The following OTUD7A variants were observed in gnomAD, a reference collection of about 807,000 sequenced individuals.
OTUD7A encodes the protein OTU domain-containing protein 7A.
A neutral mutation model predicts 65.7 loss-of-function variants in OTUD7A; 12 were observed. The ratio of observed to expected loss-of-function variants is 0.18; its 90% CI spans 0.12 to 0.30. The LOEUF is 0.30. OTUD7A is among the 10% of genes least tolerant of loss of function. The probability of loss-of-function intolerance (pLI) is 1.00; values close to 1 mark genes in which losing one functional copy is unlikely to be tolerated. For synonymous variants in OTUD7A, 641 were observed against 586.3 expected, an observed-to-expected ratio of 1.09 and a Z score of -1.35; for missense variants, 1,148 against 1,304.8, an observed-to-expected ratio of 0.88 and a Z score of 1.85.
chr15:31,791,330 A>C (rs1035797140), intron 1 of OTUD7A, among the ~76,000 whole-genome samples: 1 of 152,138 alleles, frequency 6.6e-6, no homozygotes, highest in Non-Finnish European at 1.5e-5. Context: ...CAGCCCTACT[A>C]ATAGTCATCT....
chr15:31,726,790 A>G (rs1449845454), intron 1 of OTUD7A, among the ~76,000 whole-genome samples: 1 of 152,226 alleles, frequency 6.6e-6, no homozygotes, highest in Non-Finnish European at 1.5e-5. Flanking sequence ...TGACGATGGC[A>G]TTGCCACGGT....
chr15:31,766,649 T>C, intron 1 of OTUD7A: 1 of 1,601,928 alleles, frequency 6.2e-7, no homozygotes, highest in Non-Finnish European at 8.6e-7. Context: ...AAAAGCAAAC[T>C]CTGAGACCTT....
At chr15:31,808,703 C>T (rs1286953058) in intron 1 of OTUD7A, among the ~76,000 whole-genome samples, 1 of 152,234 alleles carries the variant, frequency 6.6e-6, no homozygotes, top group Non-Finnish European at 1.5e-5. Context: ...CAGGCTCCAT[C>T]CACAGCAGCA....
chr15:31,624,913 C>T (rs976317597), intron 3 of OTUD7A, among the ~76,000 whole-genome samples: 3 of 152,176 alleles, frequency 2.0e-5, no homozygotes, highest in African/African-American at 7.2e-5. Context: ...AGATAGCCCC[C>T]AAGGATCCCT....
rs145596516 is a variant in OTUD7A at position 31,694,165 on chromosome 15, C to T, written c.-99-37088G>A. On this transcript the variant is annotated intron_variant, in intron 1 of 12. Transcript: ENST00000307050. ...GTGGCGCTCAGAAGCCAGGACACTGCCCTCACAGAGCCAGTGGAGGGGGCC... is the reference window on the plus strand; with the variant it reads ...GTGGCGCTCAGAAGCCAGGACACTGTCCTCACAGAGCCAGTGGAGGGGGCC... Among the ~76,000 whole-genome samples the T allele has an allele frequency of 6.2e-3, 948 of 152,206 alleles. 8 individuals carry two copies. Among genetic ancestry groups the T allele is most frequent in the African/African-American group, 0.02 (837 of 41,528 alleles).
At chr15:31,764,968 C>G (rs569955473) in intron 1 of OTUD7A, among the ~76,000 whole-genome samples, 2 of 152,064 alleles carry the variant, frequency 1.3e-5, no homozygotes, top group East Asian at 3.9e-4. Flanking sequence ...AAAATAAATA[C>G]CTTATGGAAG....
chr15:31,783,889 T>C (rs1895605250), intron 1 of OTUD7A, among the ~76,000 whole-genome samples: 1 of 152,198 alleles, frequency 6.6e-6, no homozygotes, highest in Admixed American at 6.5e-5. Context: ...AGAATCCCAA[T>C]AGTATTTTAT....
chr15:31,618,654 C>T (rs1040889431), intron 3 of OTUD7A, among the ~76,000 whole-genome samples: 5 of 152,026 alleles, frequency 3.3e-5, no homozygotes, highest in Non-Finnish European at 7.4e-5. Context: ...TGTTCGAGTT[C>T]TTTGTAGATT....
intron 1 of OTUD7A, among the ~76,000 whole-genome samples, chr15:31,681,801 T>C (rs4041923): frequency 0.31 from 44,019 of 139,854 alleles, 9,652 homozygotes; most frequent in African/African-American, 0.62. Context: ...TGCTCCATTC[T>C]TACACTCAGC....
chr15:31,752,811 AT>A (rs1894674238), intron 1 of OTUD7A, among the ~76,000 whole-genome samples: 1 of 152,158 alleles, frequency 6.6e-6, no homozygotes, highest in South Asian at 2.1e-4. Flanking sequence ...GAAAAAAAAA[AT>A]CTTTGCCATA....
intron 1 of OTUD7A, among the ~76,000 whole-genome samples, chr15:31,729,670 C>A (rs8042232): frequency 0.69 from 104,739 of 151,976 alleles, 36,628 homozygotes; most frequent in South Asian, 0.8. Flanking sequence ...TTTCTGTGTG[C>A]TTAATCCCAC....
intron 1 of OTUD7A, among the ~76,000 whole-genome samples, chr15:31,834,249 C>CA (rs1170469788): frequency 6.6e-6 from 1 of 152,160 alleles, no homozygotes; most frequent in Non-Finnish European, 1.5e-5. Flanking sequence ...GTTCACGGTG[C>CA]AATTCTGCCA....
chr15:31,616,413 T>C (rs551572884), intron 3 of OTUD7A, among the ~76,000 whole-genome samples: 6 of 152,182 alleles, frequency 3.9e-5, no homozygotes, highest in Non-Finnish European at 5.9e-5. Context: ...TAACCATTTA[T>C]ATATATATGT....
At chr15:31,831,268 A>C (rs751131974) in intron 1 of OTUD7A, among the ~76,000 whole-genome samples, 10 of 152,336 alleles carry the variant, frequency 6.6e-5, no homozygotes, top group South Asian at 4.2e-4. Context: ...CAGAAACAAC[A>C]ACCACAAATA....
At chr15:31,612,080 G>A (rs1890441807) in intron 3 of OTUD7A, among the ~76,000 whole-genome samples, 1 of 152,134 alleles carries the variant, frequency 6.6e-6, no homozygotes, top group Admixed American at 6.6e-5. Context: ...TGCAGAAAAA[G>A]CATTTGACAA....
chr15:31,721,254 G>A (rs1270850431), intron 1 of OTUD7A, among the ~76,000 whole-genome samples: 1 of 152,240 alleles, frequency 6.6e-6, no homozygotes, highest in Non-Finnish European at 1.5e-5. Flanking sequence ...GTACATGAAT[G>A]CTTGTTGCTT....
At chr15:31,802,880 T>C (rs561534079) in intron 1 of OTUD7A, among the ~76,000 whole-genome samples, 44 of 152,300 alleles carry the variant, frequency 2.9e-4, no homozygotes, top group Non-Finnish European at 6.0e-4. Flanking sequence ...GAACCCCAAT[T>C]GAGTGTTGGT....
intron 1 of OTUD7A, among the ~76,000 whole-genome samples, chr15:31,684,492 T>C (rs553426287): frequency 6.6e-6 from 1 of 152,058 alleles, no homozygotes; most frequent in Non-Finnish European, 1.5e-5. Flanking sequence ...TCAGGGTCTC[T>C]CACAAGGCTG....
chr15:31,813,735 A>G (rs1360063456), intron 1 of OTUD7A, among the ~76,000 whole-genome samples: 3 of 152,242 alleles, frequency 2.0e-5, no homozygotes, highest in African/African-American at 7.2e-5. Context: ...ATCATGAAAC[A>G]TAACTTGGGA....
Sources: allele counts gnomAD v4.1 joint callset (sites outside exome capture counted in the v4.1 genomes callset), GRCh38; gene constraint gnomAD v4.1.1; transcripts MANE v1.5; gene names NCBI Gene and HGNC (gene_info 2026-07-23, HGNC 2026-07-21).